The following ABCB1 variants were observed in gnomAD, a reference collection of about 807,000 sequenced individuals.
ABCB1 encodes the protein ATP binding cassette subfamily B member 1, also known as ATP-dependent translocase ABCB1.
ABCB1 carries 69 observed loss-of-function variants against 142.0 expected under a neutral mutation model. The observed-to-expected ratio is 0.49, with a 90% CI of 0.40 to 0.59. The LOEUF (loss-of-function observed/expected upper bound fraction) is 0.59, where lower values mean the gene tolerates loss of function less well. ABCB1 is among the 20% of genes least tolerant of loss of function. The probability of loss-of-function intolerance (pLI) is 0.00; values close to 1 mark genes in which losing one functional copy is unlikely to be tolerated. For synonymous variants in ABCB1, 532 were observed against 539.2 expected, an observed-to-expected ratio of 0.99 and a Z score of 0.18; for missense variants, 1,326 against 1,554.7, an observed-to-expected ratio of 0.85 and a Z score of 2.47.
At chr7:87,557,476 T>C (rs1488086466) in intron 8 of ABCB1, among the ~76,000 whole-genome samples, 4 of 152,226 alleles carry the variant, frequency 2.6e-5, no homozygotes, top group Non-Finnish European at 5.9e-5. Context: ...CAAGCAAAAT[T>C]AGTTTCAGTT....
chr7:87,542,771 A>T (rs1366573239), intron 17 of ABCB1, among the ~76,000 whole-genome samples: 1 of 152,078 alleles, frequency 6.6e-6, no homozygotes, highest in Non-Finnish European at 1.5e-5. Flanking sequence ...CCAAATGTTT[A>T]TATAAAGTTT....
intron 21 of ABCB1, among the ~76,000 whole-genome samples, chr7:87,526,640 G>A (rs917306621): frequency 1.3e-5 from 2 of 152,134 alleles, no homozygotes; most frequent in African/African-American, 4.8e-5. Context: ...TGGGTTCTGG[G>A]TGGCCAGGAG....
chr7:87,550,982 T>C (rs1230110517), intron 9 of ABCB1, 144 bp from the exon 10 acceptor site: 5 of 653,944 alleles, frequency 7.6e-6, no homozygotes, highest in Non-Finnish European at 8.1e-6. Context: ...AAAAATATTT[T>C]AAAAGTTTGT....
intron 1 of ABCB1, among the ~76,000 whole-genome samples, chr7:87,675,753 C>T: frequency 6.8e-6 from 1 of 147,956 alleles, no homozygotes; most frequent in East Asian, 2.0e-4. Flanking sequence ...ACACAAAAAT[C>T]AACTCAAAAC....
At chr7:87,694,157 A>G (rs1828284994) in intron 1 of ABCB1, 1 of 469,484 alleles carries the variant, frequency 2.1e-6, no homozygotes, top group African/African-American at 2.1e-5. Context: ...TAAAATTAAA[A>G]TCTTGTAAAT....
chr7:87,591,723 G>A (rs904622540), intron 3 of ABCB1, among the ~76,000 whole-genome samples: 7 of 152,020 alleles, frequency 4.6e-5, no homozygotes, highest in African/African-American at 1.4e-4. Flanking sequence ...GGTATACTTC[G>A]AGGATACCAC....
upstream of ABCB1, among the ~76,000 whole-genome samples, chr7:87,602,292 CTTTTT>C (rs59849542): frequency 1.3e-4 from 12 of 92,412 alleles, no homozygotes; most frequent in African/African-American, 2.4e-4. Flanking sequence ...AGCTCGGCCT[CTTTTT>C]TTTTTTTTTT....
At chr7:87,628,814 TA>T in intron 1 of ABCB1, 2 of 1,237,604 alleles carry the variant, frequency 1.6e-6, no homozygotes, top group Non-Finnish European at 2.0e-6. Context: ...GGCACGGGGG[TA>T]AGCCCGCCAT....
Position 87,553,871 on chromosome 7 carries a change from T to C in ABCB1, c.889A>G (p.Ile297Val). The C allele has an allele frequency of 6.2e-7, 1 of 1,614,084 alleles. No homozygotes were observed. The highest frequency in any genetic ancestry group is 8.5e-7 in the Non-Finnish European group (1 of 1,179,996). The change falls in exon 9 of 28, where the codon ATT becomes GTT. Residue 297 changes from isoleucine (I) to valine (V), a missense_variant. Transcript: ENST00000622132. ...AGCAGGAAAGCAGCACCTATAGAAA[T>C]ATTGGCTGTAATAGCTTTCTTTATC... ...IGIKKAITAN[I>V]SIGAAFLLIY...
intron 1 of ABCB1, among the ~76,000 whole-genome samples, chr7:87,679,756 G>A (rs1274363678): frequency 1.3e-5 from 2 of 149,766 alleles, no homozygotes; most frequent in Non-Finnish European, 3.0e-5. Flanking sequence ...TCTTTTCGAG[G>A]GCAAGTGGAA....
intron 17 of ABCB1, among the ~76,000 whole-genome samples, chr7:87,542,918 T>C (rs1392129155): frequency 6.6e-6 from 1 of 152,214 alleles, no homozygotes; most frequent in Non-Finnish European, 1.5e-5. Context: ...TAGAAAAAGT[T>C]TGCTGACTCC....
chr7:87,516,024 CT>C (rs1476510901), intron 24 of ABCB1, among the ~76,000 whole-genome samples: 1 of 152,128 alleles, frequency 6.6e-6, no homozygotes, highest in Admixed American at 6.5e-5. Flanking sequence ...AATACAGTAA[CT>C]TACATACAAT....
rs1563081969 is a variant in ABCB1 at position 87,626,748 on chromosome 7, A to ATGTCATATATATGTGTCATATATG, written c.-330-25671_-330-25670insCATATATGACACATATATATGACA. ...TGTGTCATATATATGTGTCATATAT[A>ATGTCATATATATGTGTCATATATG]TGTCATATATATGTCATATATATGT... On this transcript the variant is annotated intron_variant, in intron 1 of 28. Transcript: ENST00000265724. Among the ~76,000 whole-genome samples, 2 of 24,328 alleles carry ATGTCATATATATGTGTCATATATG rather than the reference A, an allele frequency of 8.2e-5. 1 individual carries two copies. Among genetic ancestry groups the ATGTCATATATATGTGTCATATATG allele is most frequent in the East Asian group, 2.9e-3 (2 of 698 alleles). 16.0% of individuals were successfully genotyped at this position (24,328 alleles called of 152,430 possible).
intron 8 of ABCB1, among the ~76,000 whole-genome samples, chr7:87,559,254 T>C (rs1364820815): frequency 2.6e-5 from 4 of 152,076 alleles, no homozygotes; most frequent in Non-Finnish European, 5.9e-5. Flanking sequence ...ATTTTTAACT[T>C]TGAATTCAAT....
chr7:87,610,124 T>C (rs1165094206), intron 1 of ABCB1, among the ~76,000 whole-genome samples: 3 of 152,138 alleles, frequency 2.0e-5, no homozygotes, highest in Non-Finnish European at 4.4e-5. Context: ...TATTTGACTG[T>C]ATTGTCTCTA....
chr7:87,570,087 G>T, intron 5 of ABCB1, 85 bp downstream of exon 5: 1 of 1,236,788 alleles, frequency 8.1e-7, no homozygotes, highest in Non-Finnish European at 1.2e-6. Flanking sequence ...TAAAATTTCT[G>T]TGATGATAAT....
At position 87,553,765 on chromosome 7, in the gene ABCB1, AGTACTT is replaced by A. The variant is rs762239905; in HGVS notation, c.989_994del (p.Gln330_Val331del). The A allele has an allele frequency of 6.2e-7, 1 of 1,613,920 alleles. No individual in the cohort carries two copies. Among genetic ancestry groups the A allele is most frequent in the South Asian group, 1.1e-5 (1 of 91,084 alleles). ...TTCTCAATGTAAACCACTTACAGTG[AGTACTT>A]GTCCAATAGAATATTCCCCTGAGAG... On this transcript the variant is annotated inframe_deletion, in exon 9 of 28. Transcript: ENST00000622132.
rs903428715 is a variant in ABCB1, at chr7:87,546,032, G to A, written c.1726-8C>T. On this transcript the variant is annotated splice_polypyrimidine_tract_variant and splice_region_variant and intron_variant, in intron 14 of 27. Transcript: ENST00000622132. ...GGTCCGACCTTTTCTGGCCTAAAGA[G>A]AGAGAAATTTGGTTTTTGAATACAT... The A allele has an allele frequency of 6.2e-7, 1 of 1,614,040 alleles. No individual in the cohort carries two copies. Among genetic ancestry groups the A allele is most frequent in the African/African-American group, 1.3e-5 (1 of 75,046 alleles).
chr7:87,578,768 A>G (rs1439692391), intron 4 of ABCB1, among the ~76,000 whole-genome samples: 3 of 139,840 alleles, frequency 2.1e-5, no homozygotes, highest in Non-Finnish European at 4.5e-5. Context: ...ATCTCGGCTC[A>G]CTGCAAGCTC....
Sources: allele counts gnomAD v4.1 joint callset (sites outside exome capture counted in the v4.1 genomes callset), GRCh38; gene constraint gnomAD v4.1.1; transcripts MANE v1.5; gene names NCBI Gene and HGNC (gene_info 2026-07-23, HGNC 2026-07-21).